Variants in EIF2AK1 observed in about 807,000 individuals in gnomAD.
The protein encoded by EIF2AK1 is eukaryotic translation initiation factor 2-alpha kinase 1.
A neutral mutation model predicts 77.9 loss-of-function variants in EIF2AK1; 54 were observed. The observed-to-expected ratio is 0.69, with a 90% CI of 0.56 to 0.87. The LOEUF (loss-of-function observed/expected upper bound fraction) is 0.87. Among genes scored for constraint, EIF2AK1 ranks in the 40% least tolerant of loss-of-function variants. The probability of loss-of-function intolerance (pLI) is 0.00; values close to 1 mark genes in which losing one functional copy is unlikely to be tolerated. For missense variants in EIF2AK1, 810 were observed against 768.6 expected (o/e 1.05, Z -0.64); for synonymous variants, 314 against 290.5 (o/e 1.08, Z -0.82).
chr7:6,029,853 C>T (rs560560409), intron 11 of EIF2AK1, among the ~76,000 whole-genome samples: 2 of 152,120 alleles, frequency 1.3e-5, no homozygotes, highest in East Asian at 3.9e-4. Flanking sequence ...TGTGGTGGTG[C>T]ATGCCTGTAA....
chr7:6,051,438 ATTT>A (rs1441067503), intron 2 of EIF2AK1, among the ~76,000 whole-genome samples: 1 of 150,606 alleles, frequency 6.6e-6, no homozygotes, highest in Non-Finnish European at 1.5e-5. Flanking sequence ...CGCCTGGCTA[ATTT>A]TTTTTTGAGA....
At chr7:6,026,041 C>T (rs1301440768) in intron 14 of EIF2AK1, among the ~76,000 whole-genome samples, 2 of 151,924 alleles carry the variant, frequency 1.3e-5, no homozygotes, top group African/African-American at 4.8e-5. Flanking sequence ...CAGCTGCAGC[C>T]GGACCCCCAC....
At chr7:6,052,741 G>A (rs773865202) in intron 2 of EIF2AK1, among the ~76,000 whole-genome samples, 2 of 151,720 alleles carry the variant, frequency 1.3e-5, no homozygotes, top group Non-Finnish European at 2.9e-5. Flanking sequence ...GCCGAGGCGG[G>A]TGGATCACCA....
chr7:6,037,442 A>T lies in EIF2AK1; in HGVS notation c.1314T>A (p.Ile438=). The change falls in exon 11 of 15, where the codon ATT becomes ATA. Residue 438 remains isoleucine, a synonymous_variant. Coordinates refer to ENST00000199389, the MANE Select transcript of EIF2AK1 (RefSeq NM_014413.4). ...CACTTACCTTCAGATCTCGGTGCAC[A>T]ATTCCCATGTTATGTATGTAAAACA... The part of the protein sequence containing the change: ...EGVFYIHNMG[I]VHRDLKPRNI... The T allele has an allele frequency of 6.2e-7, 1 of 1,611,798 alleles. No individual in the cohort carries two copies. Among genetic ancestry groups the T allele is most frequent in the Non-Finnish European group, 8.5e-7 (1 of 1,178,792 alleles).
chr7:6,041,072 T>A lies in EIF2AK1; in HGVS notation c.939A>T (p.Ile313=). 6.2e-7 allele frequency: 1 copy of A among 1,614,104 alleles called. No homozygotes were observed. Among genetic ancestry groups the A allele is most frequent in the Non-Finnish European group, 8.5e-7 (1 of 1,180,020 alleles). The change falls in exon 9 of 15, where the codon ATA becomes ATT. Residue 313 remains isoleucine, a synonymous_variant. Coordinates refer to ENST00000199389, the MANE Select transcript of EIF2AK1 (RefSeq NM_014413.4). Reference sequence around the variant, plus strand: ...TCGACTCAAGTTCACCAGATTCTCTTATGACTAAATTGGTGGTGTACTTCA... The same window carrying A: ...TCGACTCAAGTTCACCAGATTCTCTAATGACTAAATTGGTGGTGTACTTCA... ...KSVKYTTNLV[I]RESGELESTL... is the part of the protein sequence containing the mutation.
intron 2 of EIF2AK1, among the ~76,000 whole-genome samples, chr7:6,052,715 T>A (rs1788641925): frequency 6.7e-6 from 1 of 148,630 alleles, no homozygotes. Context: ...ACAGGAGTGA[T>A]CAAAGCACAC....
In EIF2AK1 at chr7:6,026,732, C is replaced by A; in HGVS notation, c.1760G>T (p.Gly587Val). ...LLQSELFQNS[G>V]NVNLTLQMKI... is the part of the protein sequence containing the mutation. Reference sequence around the variant, plus strand: ...AAGAGAAAGAAAAGCACATACATTTCCAGAATTTTGGAAAAGTTCACTCTG... The same window carrying A: ...AAGAGAAAGAAAAGCACATACATTTACAGAATTTTGGAAAAGTTCACTCTG... Residue 587 changes from glycine (G) to valine (V), a missense_variant, in exon 14 of 15, where the codon GGA (glycine) becomes GTA (valine). Gly to Val is a moderately radical substitution (Grantham distance 109, BLOSUM62 -3). Transcript: ENST00000199389. 2 of 1,613,354 alleles carry A rather than the reference C, an allele frequency of 1.2e-6. No homozygotes were observed. Among genetic ancestry groups the A allele is most frequent in the Non-Finnish European group, 1.7e-6 (2 of 1,179,268 alleles).
chr7:6,043,081 C>A (rs1788342941), intron 7 of EIF2AK1, 88 bp from the exon 8 acceptor site: 4 of 1,268,142 alleles, frequency 3.2e-6, no homozygotes, highest in African/African-American at 3.0e-5. Context: ...CAAATAGTGT[C>A]AAATGAGACT....
In EIF2AK1 at chr7:6,023,177, T is replaced by C; in HGVS notation, c.*1496A>G. 1 of 1,146,476 alleles carries C rather than the reference T, an allele frequency of 8.7e-7. No individual in the cohort carries two copies. The highest frequency in any genetic ancestry group is 1.2e-6 in the Non-Finnish European group (1 of 826,110). The allele number at this position is 1,146,476 out of a possible 1,614,324, so 71.0% of individuals were successfully genotyped here. Reference sequence around the variant, plus strand: ...GAGACAGACTGAAAATGTGATGTTCTTCTTGAAAACACCCTTTCCCATGTC... The same window carrying C: ...GAGACAGACTGAAAATGTGATGTTCCTCTTGAAAACACCCTTTCCCATGTC... On this transcript the variant is annotated 3_prime_UTR_variant, in exon 15 of 15. Transcript: ENST00000199389.
At chr7:6,053,152 C>T (rs929048160) in intron 2 of EIF2AK1, among the ~76,000 whole-genome samples, 2 of 152,214 alleles carry the variant, frequency 1.3e-5, no homozygotes, top group Non-Finnish European at 1.5e-5. Context: ...ATACCAGACG[C>T]TTTCCAGACT....
Position 6,035,242 on chromosome 7 carries a change from G to A in EIF2AK1, c.1332+2182C>T, listed in dbSNP as rs184450883. On this transcript the variant is annotated intron_variant, in intron 11 of 14. Coordinates refer to ENST00000199389, the MANE Select transcript of EIF2AK1 (RefSeq NM_014413.4). This position sits in a 1 kb window ranked among gnomAD's most constrained non-coding sequence, Gnocchi z 5.5. ...ATAAAATGAAGCTAGGCCCCATCAC[G>A]TAGTGATGCATCCCACCACATCCCA... 4.3e-4 allele frequency among the ~76,000 whole-genome samples: 66 copies of A among 151,986 alleles called. No individual in the cohort carries two copies. Among genetic ancestry groups the A allele is most frequent in the African/African-American group, 1.6e-3 (65 of 41,474 alleles).
intron 2 of EIF2AK1, among the ~76,000 whole-genome samples, chr7:6,050,881 G>C (rs1345643744): frequency 6.6e-6 from 1 of 152,028 alleles, no homozygotes; most frequent in Admixed American, 6.6e-5. Context: ...GGGATTACAG[G>C]CATGAGCCAC....
Position 6,036,258 on chromosome 7 carries a change from C to A in EIF2AK1, c.1332+1166G>T. The A allele has an allele frequency of 6.5e-7, 1 of 1,550,186 alleles. No homozygotes were observed. The highest frequency in any genetic ancestry group is 2.4e-5 in the East Asian group (1 of 40,914). The stretch of plus-strand genomic sequence containing the variant: ...GCAATCGCAAAAACCTTTATCCCTA[C>A]AGGGTATCTGCAAAAGAAACATCAG... On this transcript the variant is annotated intron_variant, in intron 11 of 14. Coordinates refer to ENST00000199389, the MANE Select transcript of EIF2AK1 (RefSeq NM_014413.4). The surrounding 1 kb of genome is among the most constrained non-coding windows in gnomAD (Gnocchi z 4.6).
chr7:6,047,981 C>T (rs933469548), intron 4 of EIF2AK1: 1 of 152,200 alleles, frequency 6.6e-6, no homozygotes, highest in East Asian at 1.9e-4. Flanking sequence ...CTTGCCTCAG[C>T]CTCCCAAGTA....
At chr7:6,054,262 T>C (rs1389768734) in intron 2 of EIF2AK1, among the ~76,000 whole-genome samples, 1 of 152,110 alleles carries the variant, frequency 6.6e-6, no homozygotes, top group Non-Finnish European at 1.5e-5. Context: ...TGGAGTGCAG[T>C]GGCGCTATCT....
intron 11 of EIF2AK1, among the ~76,000 whole-genome samples, 190 bp from the exon 12 acceptor site, chr7:6,029,222 G>A (rs984985531): frequency 4.6e-5 from 7 of 152,182 alleles, no homozygotes; most frequent in Non-Finnish European, 8.8e-5. Flanking sequence ...ACATCTGGCC[G>A]GGTGCAGTGG....
rs554749070 is a variant in EIF2AK1 at position 6,058,287 on chromosome 7, T to C, written c.118+679A>G. ...AAAAAATTAGCTGGGCACAGTGGTG[T>C]GCACCTGTGGTCCCAGCTACTCGGG... On this transcript the variant is annotated intron_variant, in intron 1 of 14. Coordinates refer to ENST00000199389, the MANE Select transcript of EIF2AK1 (RefSeq NM_014413.4). The C allele has an allele frequency of 7.8e-4, 307 of 394,942 alleles. 9 individuals are homozygous for C. Among genetic ancestry groups the C allele is most frequent in the South Asian group, 5.5e-3 (291 of 53,338 alleles). 24.5% of individuals were successfully genotyped at this position (394,942 alleles called of 1,614,324 possible).
chr7:6,044,315 A>G (rs1335773109), intron 7 of EIF2AK1, among the ~76,000 whole-genome samples: 1 of 151,474 alleles, frequency 6.6e-6, no homozygotes, highest in African/African-American at 2.4e-5. Context: ...AATACCAAAA[A>G]AAAAAGTTAG....
At position 6,026,415 on chromosome 7, in the gene EIF2AK1, G is replaced by A. The variant is rs74923900; in HGVS notation, c.1764+313C>T. 0.013 allele frequency: 6,425 copies of A among 488,502 alleles called. 311 individuals are homozygous for A. In the African/African-American group the frequency reaches 0.16, roughly 12 times the overall value. 30.3% of individuals were successfully genotyped at this position (488,502 alleles called of 1,614,324 possible). On this transcript the variant is annotated intron_variant, in intron 14 of 14. Transcript: ENST00000199389. ...TTCCGGGAAGGAGTCTCACCCACCA[G>A]GCCCCAGGAAGTTTCCTACCGGCCT...
Sources: gnomAD v4.1 joint callset for allele counts (sites outside exome capture counted in the v4.1 genomes callset) on GRCh38, gnomAD v4.1.1 for gene constraint, Gnocchi (gnomAD v3.1) non-coding constraint, MANE v1.5 for transcripts, NCBI Gene and HGNC (gene_info 2026-07-23, HGNC 2026-07-21) for gene names.